Variants in ERBB4 observed in about 807,000 individuals in gnomAD.
The protein encoded by ERBB4 is receptor tyrosine-protein kinase erbB-4.
Under a neutral mutation model 158.0 loss-of-function variants are expected in ERBB4, and 42 were observed. That is an observed-to-expected ratio of 0.27 (90% CI 0.21 to 0.34). The LOEUF (loss-of-function observed/expected upper bound fraction) is 0.34. Ranked by LOEUF, ERBB4 falls within the 10% of genes least tolerant of loss-of-function variation. The pLI is 1.00. For synonymous variants in ERBB4, 583 were observed against 558.7 expected, an observed-to-expected ratio of 1.04 and a Z score of -0.61; for missense variants, 1,333 against 1,624.1, an observed-to-expected ratio of 0.82 and a Z score of 3.08.
intron 1 of ERBB4, among the ~76,000 whole-genome samples, chr2:212,354,351 T>C (rs926007278): frequency 6.6e-6 from 1 of 152,046 alleles, no homozygotes; most frequent in Admixed American, 6.6e-5. Flanking sequence ...CAATTATTAA[T>C]AGGTCATAAG....
At chr2:212,225,641 ATATAT>A (rs5838311) in intron 1 of ERBB4, among the ~76,000 whole-genome samples, 15,295 of 151,360 alleles carry the variant, frequency 0.1, 841 homozygotes, top group Non-Finnish European at 0.13. Flanking sequence ...TGTAATATTT[ATATAT>A]TATATCACAT....
In ERBB4 at chr2:211,840,085, C is replaced by G. The variant is rs149026557; in HGVS notation, c.422-51926G>C. On this transcript the variant is annotated intron_variant, in intron 3 of 27. Transcript: ENST00000342788. ...TGATACGGTTTGGGTGTGTACCTACCCAAATCTCATCTTGAATTGTAACTC... is the reference window on the plus strand; with the variant it reads ...TGATACGGTTTGGGTGTGTACCTACGCAAATCTCATCTTGAATTGTAACTC... Among the ~76,000 whole-genome samples, 393 of 151,934 alleles carry G rather than the reference C, an allele frequency of 2.6e-3. 3 individuals carry two copies. The highest frequency in any genetic ancestry group is 9.3e-3 in the African/African-American group (386 of 41,484).
intron 1 of ERBB4, among the ~76,000 whole-genome samples, chr2:212,368,638 T>C (rs934808832): frequency 1.3e-5 from 2 of 152,134 alleles, no homozygotes; most frequent in African/African-American, 4.8e-5. Flanking sequence ...GCATAGCTGT[T>C]TGAGGCTGAG....
intron 3 of ERBB4, among the ~76,000 whole-genome samples, chr2:211,917,378 G>A (rs577084557): frequency 1.1e-3 from 173 of 152,284 alleles, no homozygotes; most frequent in African/African-American, 4.0e-3. Context: ...TGGGTACAGG[G>A]TGGGGAGAAA....
chr2:211,823,197 T>C (rs758128295), intron 3 of ERBB4, among the ~76,000 whole-genome samples: 1 of 152,038 alleles, frequency 6.6e-6, no homozygotes, highest in Non-Finnish European at 1.5e-5. Context: ...CATTGAGTTT[T>C]ATTAGGATGT....
chr2:211,437,424 G>T (rs17803242), intron 20 of ERBB4, among the ~76,000 whole-genome samples: 1 of 152,274 alleles, frequency 6.6e-6, no homozygotes, highest in Admixed American at 6.5e-5. Flanking sequence ...GAAAAGAACA[G>T]AGAATGACTT....
chr2:212,523,798 GC>G (rs1280805031), intron 1 of ERBB4, among the ~76,000 whole-genome samples: 11 of 151,964 alleles, frequency 7.2e-5, no homozygotes, highest in Non-Finnish European at 1.6e-4. Context: ...TTCCTCAGCT[GC>G]CTCACTCATT....
chr2:211,756,710 A>T (rs1219131098), intron 4 of ERBB4, among the ~76,000 whole-genome samples: 1 of 152,188 alleles, frequency 6.6e-6, no homozygotes, highest in Non-Finnish European at 1.5e-5. Flanking sequence ...TTTAAAAAGC[A>T]CTTCCAGAGA....
intron 1 of ERBB4, among the ~76,000 whole-genome samples, chr2:212,456,584 GA>G (rs1357676625): frequency 1.3e-5 from 2 of 151,256 alleles, no homozygotes; most frequent in Non-Finnish European, 3.0e-5. Context: ...AAAAGAATAT[GA>G]GGTTGATTAA....
intron 2 of ERBB4, among the ~76,000 whole-genome samples, chr2:212,002,912 T>C (rs990697803): frequency 2.0e-5 from 3 of 151,286 alleles, no homozygotes; most frequent in African/African-American, 7.3e-5. Context: ...TAAAAAAATA[T>C]TAGCTGGGCA....
Position 211,383,687 on chromosome 2 carries a change from G to A in ERBB4, c.3855C>T (p.Leu1285=), listed in dbSNP as rs2062618994. The A allele has an allele frequency of 6.2e-7, 1 of 1,614,062 alleles. No individual in the cohort carries two copies. The highest frequency in any genetic ancestry group is 8.5e-7 in the Non-Finnish European group (1 of 1,179,988). The change falls in exon 28 of 28, where the codon CTC becomes CTT. Residue 1285 remains leucine (L), a synonymous_variant. Transcript: ENST00000342788. ...RPIVAENPEY[L]SEFSLKPGTV... is the part of the protein sequence containing the mutation. The stretch of plus-strand genomic sequence containing the variant: ...TGCCTGGCTTCAGGGAGAACTCAGA[G>A]AGGTATTCAGGATTCTCTGCCACAA...
intron 1 of ERBB4, among the ~76,000 whole-genome samples, chr2:212,495,814 G>A (rs1215484187): frequency 6.6e-6 from 1 of 152,162 alleles, no homozygotes; most frequent in East Asian, 1.9e-4. Context: ...TACCTATTAA[G>A]CGTATAGACT....
intron 1 of ERBB4, among the ~76,000 whole-genome samples, chr2:212,157,308 G>A (rs978303725): frequency 1.3e-5 from 2 of 152,014 alleles, no homozygotes; most frequent in Admixed American, 6.6e-5. Context: ...TCTAAGTGGG[G>A]TGAGATGGCC....
At chr2:212,247,887 C>A (rs533192246) in intron 1 of ERBB4, among the ~76,000 whole-genome samples, 1 of 152,044 alleles carries the variant, frequency 6.6e-6, no homozygotes, top group Non-Finnish European at 1.5e-5. Flanking sequence ...TCACTTGAAC[C>A]TGGGAAGCAG....
intron 2 of ERBB4, among the ~76,000 whole-genome samples, chr2:212,111,891 A>C (rs754563342): frequency 6.6e-6 from 1 of 151,276 alleles, no homozygotes; most frequent in Non-Finnish European, 1.5e-5. Context: ...TTTTTTTTGC[A>C]CTTATTAATT....
In ERBB4 at chr2:212,124,773, G is replaced by T. The variant is rs368312588; in HGVS notation, c.213C>A (p.Asn71Lys). ...TTACCCGCAGGAAGGAGAGGTCCCG[G>T]TTGTGCTCAATGCTGGTTATCTCCA... ...GNLEITSIEH[N>K]RDLSFLRSVR... Residue 71 changes from asparagine (N) to lysine (K), a missense_variant, in exon 2 of 28, where the codon AAC (asparagine) becomes AAA (lysine). By Grantham distance (94) the Asn-to-Lys change is moderately conservative. Around this residue, in one of 5 missense-constraint regions of ERBB4, gnomAD observed 438 missense variants for 586.9 expected, o/e 0.75. Transcript: ENST00000342788. The T allele has an allele frequency of 1.2e-6, 2 of 1,614,158 alleles. No homozygotes were observed. Among genetic ancestry groups the T allele is most frequent in the Non-Finnish European group, 1.7e-6 (2 of 1,180,006 alleles).
intron 2 of ERBB4, among the ~76,000 whole-genome samples, chr2:212,099,724 CTTTG>C (rs908260370): frequency 7.8e-6 from 1 of 128,072 alleles, no homozygotes; most frequent in Non-Finnish European, 1.6e-5. Flanking sequence ...CTCTATATAG[CTTTG>C]TTTTACAGTT....
chr2:212,248,611 T>A (rs1282279837), intron 1 of ERBB4, among the ~76,000 whole-genome samples: 1 of 152,126 alleles, frequency 6.6e-6, no homozygotes, highest in Non-Finnish European at 1.5e-5. Context: ...CCTACCTAGG[T>A]CACCACAAAT....
chr2:212,100,673 T>A (rs1041534138), intron 2 of ERBB4, among the ~76,000 whole-genome samples: 5 of 152,126 alleles, frequency 3.3e-5, no homozygotes, highest in African/African-American at 1.2e-4. Context: ...AAATTTGTGA[T>A]TGCAATATGG....
Sources: gnomAD v4.1 joint callset for allele counts (sites outside exome capture counted in the v4.1 genomes callset) on GRCh38, gnomAD v4.1.1 for gene constraint, gnomAD v4.1.1 regional missense constraint, MANE v1.5 for transcripts, NCBI Gene and HGNC (gene_info 2026-07-23, HGNC 2026-07-21) for gene names.